AGBL1: variants seen among roughly 807,000 people sequenced by gnomAD.
AGBL1 encodes the protein AGBL carboxypeptidase 1.
A neutral mutation model predicts 118.9 loss-of-function variants in AGBL1; 130 were observed. The ratio of observed to expected loss-of-function variants is 1.09; its 90% CI spans 0.95 to 1.26. AGBL1 has a LOEUF of 1.26. AGBL1 is among the 50% of genes most tolerant of loss of function. The pLI is 0.00. For synonymous variants in AGBL1, 555 were observed against 478.9 expected, an observed-to-expected ratio of 1.16 and a Z score of -2.08; for missense variants, 1,584 against 1,298.1, an observed-to-expected ratio of 1.22 and a Z score of -3.38.
intron 21 of AGBL1, among the ~76,000 whole-genome samples, chr15:86,667,272 G>C (rs992532072): frequency 1.4e-5 from 2 of 147,864 alleles, no homozygotes; most frequent in African/African-American, 5.0e-5. Context: ...CTATCTATCT[G>C]TCTATCTTTG....
chr15:86,391,640 G>GTTTTTTTTTT (rs751427467), intron 17 of AGBL1, among the ~76,000 whole-genome samples: 70 of 73,792 alleles, frequency 9.5e-4, no homozygotes, highest in Non-Finnish European at 1.1e-3. Context: ...GTTGTTGTTG[G>GTTTTTTTTTT]TTTTTTTTTT....
At chr15:86,411,961 T>A (rs56069530) in intron 18 of AGBL1, among the ~76,000 whole-genome samples, 13,256 of 152,218 alleles carry the variant, frequency 0.087, 734 homozygotes, top group African/African-American at 0.16. Context: ...TTGGTTGTTA[T>A]TGGTCTTTGA....
rs762180180 is a variant in AGBL1, at chr15:87,028,843, A to AGGC, written c.*4_*6dup. Reference sequence around the variant, plus strand: ...TTCTCAGAGTTTGTGACACTTGATGAGGCTCCCTTCAAATGAGCAAGTATT... The same window carrying AGGC: ...TTCTCAGAGTTTGTGACACTTGATGAGGCGGCTCCCTTCAAATGAGCAAGTATT... On this transcript the variant is annotated 3_prime_UTR_variant, in exon 25 of 25. Coordinates refer to the AGBL1 transcript ENST00000441037. 19 of 1,605,208 alleles carry AGGC rather than the reference A, an allele frequency of 1.2e-5. 2 individuals are homozygous for AGGC. In the South Asian group the frequency reaches 2.0e-4, roughly 17 times the overall value.
chr15:86,968,487 A>G (rs1218821374), intron 23 of AGBL1, among the ~76,000 whole-genome samples: 1 of 151,940 alleles, frequency 6.6e-6, no homozygotes, highest in Non-Finnish European at 1.5e-5. Context: ...GGATTATCGC[A>G]TAGGGAAATA....
intron 17 of AGBL1, among the ~76,000 whole-genome samples, chr15:86,299,254 C>T (rs2079707196): frequency 6.6e-6 from 1 of 152,094 alleles, no homozygotes; most frequent in African/African-American, 2.4e-5. Context: ...TTCAGTGGGA[C>T]AGTGAACAGG....
intron 18 of AGBL1, among the ~76,000 whole-genome samples, chr15:86,421,917 T>C (rs1207623142): frequency 1.3e-5 from 2 of 152,222 alleles, no homozygotes; most frequent in Non-Finnish European, 2.9e-5. Context: ...TAAATTTATA[T>C]GCACCCAATA....
intron 5 of AGBL1, among the ~76,000 whole-genome samples, chr15:86,165,861 C>T (rs767835517): frequency 3.9e-5 from 6 of 152,174 alleles, no homozygotes; most frequent in Non-Finnish European, 8.8e-5. Context: ...AAGTTACTAG[C>T]AGAGTTATTA....
At position 86,417,814 on chromosome 15, in the gene AGBL1, G is replaced by A. The variant is rs185874069; in HGVS notation, c.2555+20268G>A. Among the ~76,000 whole-genome samples the A allele has an allele frequency of 3.3e-5, 5 of 152,312 alleles. No individual in the cohort carries two copies. The East Asian group carries it at 9.6e-4, about 29-fold the overall frequency. On this transcript the variant is annotated intron_variant, in intron 18 of 22. Coordinates refer to ENST00000614907, the MANE Select transcript of AGBL1 (RefSeq NM_001386094.1). ...AGTTTTTATTATGATGGAATTCCCG[G>A]ATGACCACCATTATTATTCTGAAAA...
intron 22 of AGBL1, among the ~76,000 whole-genome samples, chr15:86,706,400 C>T (rs961740397): frequency 6.6e-6 from 1 of 152,054 alleles, no homozygotes. Flanking sequence ...GATTCTTGGA[C>T]CTGGTCTGTT....
intron 22 of AGBL1, among the ~76,000 whole-genome samples, chr15:86,779,756 T>C (rs1181523459): frequency 6.6e-6 from 1 of 152,172 alleles, no homozygotes; most frequent in Non-Finnish European, 1.5e-5. Context: ...TAATTTCCAT[T>C]TTTTTCAGAT....
At chr15:86,778,816 A>G (rs974766023) in intron 22 of AGBL1, among the ~76,000 whole-genome samples, 1 of 152,090 alleles carries the variant, frequency 6.6e-6, no homozygotes, top group Non-Finnish European at 1.5e-5. Context: ...TTAAGAGATT[A>G]AAGTAAAGAC....
In AGBL1 at chr15:86,264,789, C is replaced by T. The variant is rs904561590; in HGVS notation, c.1618C>T (p.Pro540Ser). 2 of 1,613,712 alleles carry T rather than the reference C, an allele frequency of 1.2e-6. No individual in the cohort carries two copies. The highest frequency in any genetic ancestry group is 1.7e-6 in the Non-Finnish European group (2 of 1,179,778). The change falls in exon 11 of 23, where the codon CCC (proline) becomes TCC (serine). Residue 540 changes from proline to serine, a missense_variant. Coordinates refer to ENST00000614907, the MANE Select transcript of AGBL1 (RefSeq NM_001386094.1). ...ATTTCCTGATGTCTGGGGACACTGTCCCCCTCCCACCACCCAGCCTATGTT... is the reference window on the plus strand; with the variant it reads ...ATTTCCTGATGTCTGGGGACACTGTTCCCCTCCCACCACCCAGCCTATGTT... The part of the protein sequence containing the change: ...MAFPDVWGHC[P>S]PPTTQPMLER...
chr15:86,166,982 C>G (rs2077350737), intron 5 of AGBL1, among the ~76,000 whole-genome samples: 1 of 152,114 alleles, frequency 6.6e-6, no homozygotes, highest in African/African-American at 2.4e-5. Flanking sequence ...CTCAGTTTTC[C>G]CTCTAGAGAC....
At chr15:86,444,273 G>T (rs866823689) in intron 18 of AGBL1, among the ~76,000 whole-genome samples, 1 of 152,084 alleles carries the variant, frequency 6.6e-6, no homozygotes, top group Non-Finnish European at 1.5e-5. Context: ...CTCCCCTCTT[G>T]CTGGGTTTCC....
intron 18 of AGBL1, among the ~76,000 whole-genome samples, chr15:86,406,855 C>A (rs913187920): frequency 2.0e-5 from 3 of 151,930 alleles, no homozygotes; most frequent in African/African-American, 7.3e-5. Context: ...ATTGATGGGG[C>A]CATAATTAAT....
chr15:87,019,483 T>G (rs1368184505), intron 24 of AGBL1, among the ~76,000 whole-genome samples: 1 of 151,790 alleles, frequency 6.6e-6, no homozygotes, highest in Non-Finnish European at 1.5e-5. Flanking sequence ...TAAAACTATA[T>G]AACTACATGG....
chr15:86,633,138 A>G (rs545202009), intron 21 of AGBL1, among the ~76,000 whole-genome samples: 27 of 152,352 alleles, frequency 1.8e-4, no homozygotes, highest in Non-Finnish European at 3.4e-4. Flanking sequence ...GAAAGCAACT[A>G]CAGAGAAAAC....
At chr15:86,344,022 G>A (rs8028627) in intron 17 of AGBL1, among the ~76,000 whole-genome samples, 115,556 of 152,176 alleles carry the variant, frequency 0.76, 44,593 homozygotes, top group African/African-American at 0.79. Context: ...GTTTCCTGGC[G>A]GTAAATTTCC....
chr15:86,332,097 GA>G (rs35178676), intron 17 of AGBL1, among the ~76,000 whole-genome samples: 2 of 151,536 alleles, frequency 1.3e-5, no homozygotes, highest in Admixed American at 1.3e-4. Flanking sequence ...ATGCAAATGG[GA>G]AAAAAAAGCA....
Sources: gnomAD v4.1 joint callset for allele counts (sites outside exome capture counted in the v4.1 genomes callset) on GRCh38, gnomAD v4.1.1 for gene constraint, MANE v1.5 for transcripts, NCBI Gene and HGNC (gene_info 2026-07-23, HGNC 2026-07-21) for gene names.